SLC7A8: variants seen among roughly 807,000 people sequenced by gnomAD.
SLC7A8 encodes the protein large neutral amino acids transporter small subunit 2.
Under a neutral mutation model 51.2 loss-of-function variants are expected in SLC7A8, and 30 were observed. The ratio of observed to expected loss-of-function variants is 0.59; its 90% CI spans 0.44 to 0.80. The LOEUF (loss-of-function observed/expected upper bound fraction) is 0.80, where lower values mean the gene tolerates loss of function less well. Among genes scored for constraint, SLC7A8 ranks in the 30% least tolerant of loss-of-function variants. The pLI is 0.00. For synonymous variants in SLC7A8, 257 were observed against 275.8 expected (o/e 0.93, Z 0.67); for missense variants, 612 against 674.4 (o/e 0.91, Z 1.03).
Position 23,127,253 on chromosome 14 carries a change from A to T in SLC7A8, c.1532T>A (p.Met511Lys), listed in dbSNP as rs1298022166. The T allele has an allele frequency of 6.2e-7, 1 of 1,613,882 alleles. No homozygotes were observed. Among genetic ancestry groups the T allele is most frequent in the African/African-American group, 1.3e-5 (1 of 74,864 alleles). Residue 511 changes from methionine to lysine, a missense_variant, in exon 11 of 11, where the codon ATG (methionine) becomes AAG (lysine). Coordinates refer to ENST00000316902, the MANE Select transcript of SLC7A8 (RefSeq NM_012244.4). ...GTACATGGGCTGCTGCTGCTCCTCC[A>T]TGTCCTCATTAGCCTCCTCTGTCCC... is the stretch of plus-strand genomic sequence containing the variant. ...GSGTEEANEDMEEQQQPMYQP... is the reference protein window; with the variant it reads ...GSGTEEANEDKEEQQQPMYQP...
intron 1 of SLC7A8, among the ~76,000 whole-genome samples, chr14:23,172,563 C>A (rs904017819): frequency 4.6e-5 from 7 of 152,152 alleles, no homozygotes. Flanking sequence ...CATGAAGGAC[C>A]CACATCTTGC....
In SLC7A8 at chr14:23,126,424, C is replaced by G. The variant is rs1047015570; in HGVS notation, c.*753G>C. 1 of 153,010 alleles carries G rather than the reference C, an allele frequency of 6.5e-6. No homozygotes were observed. Among genetic ancestry groups the G allele is most frequent in the African/African-American group, 2.4e-5 (1 of 41,430 alleles). 9.5% of individuals were successfully genotyped at this position (153,010 alleles called of 1,614,324 possible). A position where few individuals can be genotyped will look rare whatever the true frequency, so the allele number is the denominator to read the frequency against. ...GAGAGATGCCCACTACCTTAAAAAT[C>G]AGAAGCTTTTTGGCTTCTGGAAGCT... On this transcript the variant is annotated 3_prime_UTR_variant, in exon 11 of 11. Coordinates refer to ENST00000316902, the MANE Select transcript of SLC7A8 (RefSeq NM_012244.4).
chr14:23,132,551 TA>T (rs1453622462), intron 7 of SLC7A8, among the ~76,000 whole-genome samples: 1 of 150,722 alleles, frequency 6.6e-6, no homozygotes, highest in East Asian at 2.0e-4. Flanking sequence ...ACTCTGCCTC[TA>T]AAAAACAACA....
intron 1 of SLC7A8, among the ~76,000 whole-genome samples, chr14:23,169,244 G>T (rs1762983445): frequency 6.6e-6 from 1 of 152,170 alleles, no homozygotes; most frequent in Non-Finnish European, 1.5e-5. Context: ...TATAGTCCCA[G>T]ATACTAGAGA....
At chr14:23,173,386 G>A (rs985224695) in intron 1 of SLC7A8, among the ~76,000 whole-genome samples, 2 of 152,200 alleles carry the variant, frequency 1.3e-5, no homozygotes, top group Admixed American at 6.5e-5. Context: ...ACTCAGCTCA[G>A]CAAAGAGAAA....
intron 3 of SLC7A8, among the ~76,000 whole-genome samples, chr14:23,151,130 T>C (rs975000727): frequency 6.6e-6 from 1 of 152,226 alleles, no homozygotes; most frequent in African/African-American, 2.4e-5. Context: ...CTGCCCGTGC[T>C]GCCCCACTCC....
chr14:23,182,841 G>A lies in SLC7A8; in HGVS notation c.74C>T (p.Pro25Leu). ...TCCGCCCCCTCCGGAACCAGCCTCGGGGCTGGCGTCCGACTCGCCCCCACC... is the reference window on the plus strand; with the variant it reads ...TCCGCCCCCTCCGGAACCAGCCTCGAGGCTGGCGTCCGACTCGCCCCCACC... Reference protein sequence around the residue: ...HPGGGESDASPEAGSGGGGVA... With the variant: ...HPGGGESDASLEAGSGGGGVA... The change falls in exon 1 of 11, where the codon CCC becomes CTC. Residue 25 changes from proline to leucine, a missense_variant. By Grantham distance (98) the Pro-to-Leu change is moderately conservative (BLOSUM62 -3). Transcript: ENST00000316902. 2 of 1,613,956 alleles carry A rather than the reference G, an allele frequency of 1.2e-6. No homozygotes were observed. The highest frequency in any genetic ancestry group is 2.2e-5 in the South Asian group (2 of 91,070).
chr14:23,140,675 A>C (rs1235975750), intron 4 of SLC7A8, 51 bp from the exon 5 acceptor site: 1 of 1,573,210 alleles, frequency 6.4e-7, no homozygotes, highest in South Asian at 1.1e-5. Context: ...TCAGGGGCCC[A>C]GCAGCCCCTG....
chr14:23,127,972 T>G, intron 10 of SLC7A8, 47 bp downstream of exon 10: 1 of 1,570,896 alleles, frequency 6.4e-7, no homozygotes, highest in South Asian at 1.2e-5. Flanking sequence ...ACCACTGCAT[T>G]CCAGCCCAGG....
chr14:23,169,290 C>T (rs918374483), intron 1 of SLC7A8, among the ~76,000 whole-genome samples: 26 of 151,994 alleles, frequency 1.7e-4, no homozygotes, highest in African/African-American at 5.3e-4. Flanking sequence ...CCTGGGAGGG[C>T]GAGACTGCAG....
At chr14:23,131,868 G>A (rs1410005674) in intron 7 of SLC7A8, among the ~76,000 whole-genome samples, 1 of 152,212 alleles carries the variant, frequency 6.6e-6, no homozygotes, top group African/African-American at 2.4e-5. Context: ...TGCCTGGAAG[G>A]CTGCAGGAGC....
At position 23,140,627 on chromosome 14, in the gene SLC7A8, G is replaced by A. The variant is rs764872443; in HGVS notation, c.635-3C>T. The A allele has an allele frequency of 6.2e-7, 1 of 1,609,604 alleles. No individual in the cohort carries two copies. The highest frequency in any genetic ancestry group is 8.5e-7 in the Non-Finnish European group (1 of 1,176,450). ...TGGCTCCAGCCAGAAGTACTCTCCTGTGGACACAAGCAACAGGAGGCCGCT... is the reference window on the plus strand; with the variant it reads ...TGGCTCCAGCCAGAAGTACTCTCCTATGGACACAAGCAACAGGAGGCCGCT... On this transcript the variant is annotated splice_polypyrimidine_tract_variant and splice_region_variant and intron_variant, in intron 4 of 10. Transcript: ENST00000316902.
intron 1 of SLC7A8, among the ~76,000 whole-genome samples, chr14:23,177,092 T>G (rs1280397834): frequency 6.6e-6 from 1 of 152,152 alleles, no homozygotes; most frequent in African/African-American, 2.4e-5. Flanking sequence ...CCCAAAAACA[T>G]AAATTGTGCT....
At chr14:23,157,337 A>G (rs2048899201) in intron 3 of SLC7A8, among the ~76,000 whole-genome samples, 1 of 152,188 alleles carries the variant, frequency 6.6e-6, no homozygotes, top group African/African-American at 2.4e-5. Flanking sequence ...GTCATCTGCA[A>G]TCTGAATCCT....
intron 1 of SLC7A8, among the ~76,000 whole-genome samples, chr14:23,176,466 G>A (rs201422772): frequency 7.2e-5 from 11 of 152,182 alleles, no homozygotes; most frequent in Middle Eastern, 3.4e-3. Context: ...AATGAGAAAT[G>A]GCTAAGTGTT....
intron 3 of SLC7A8, among the ~76,000 whole-genome samples, chr14:23,151,217 T>C (rs2048843999): frequency 1.3e-5 from 2 of 152,104 alleles, no homozygotes; most frequent in Admixed American, 1.3e-4. Flanking sequence ...TGGTGTGGCC[T>C]TGAGGTCCTG....
intron 3 of SLC7A8, among the ~76,000 whole-genome samples, chr14:23,147,141 A>ATCCAT (rs1320593093): frequency 7.4e-6 from 1 of 134,328 alleles, no homozygotes; most frequent in Non-Finnish European, 1.6e-5. Context: ...TCTAGCCATC[A>ATCCAT]TCCATGCATC....
chr14:23,137,458 A>AG (rs775551743), intron 7 of SLC7A8, among the ~76,000 whole-genome samples: 2 of 152,154 alleles, frequency 1.3e-5, no homozygotes, highest in African/African-American at 2.4e-5. Context: ...GGCTAGTTCC[A>AG]GAACATTCAT....
intron 3 of SLC7A8, among the ~76,000 whole-genome samples, chr14:23,159,379 G>A (rs1048112670): frequency 1.3e-5 from 2 of 152,328 alleles, no homozygotes; most frequent in East Asian, 1.9e-4. Flanking sequence ...GTTAGAAGGC[G>A]TACAGAGAAA....
Sources: allele counts gnomAD v4.1 joint callset (sites outside exome capture counted in the v4.1 genomes callset), GRCh38; gene constraint gnomAD v4.1.1; transcripts MANE v1.5; gene names NCBI Gene and HGNC (gene_info 2026-07-23, HGNC 2026-07-21).